UBR3: variants seen among roughly 807,000 people sequenced by gnomAD.
The protein encoded by UBR3 is ubiquitin protein ligase E3 component n-recognin 3.
A neutral mutation model predicts 243.2 loss-of-function variants in UBR3; 85 were observed. That is an observed-to-expected ratio of 0.35 (90% CI 0.29 to 0.42). The LOEUF (loss-of-function observed/expected upper bound fraction) is 0.42. Among genes scored for constraint, UBR3 ranks in the 10% least tolerant of loss-of-function variants. The probability of loss-of-function intolerance (pLI) is 1.00; values close to 1 mark genes in which losing one functional copy is unlikely to be tolerated. For synonymous variants in UBR3, 748 were observed against 799.8 expected, an observed-to-expected ratio of 0.94 and a Z score of 1.09; for missense variants, 1,686 against 2,300.8, an observed-to-expected ratio of 0.73 and a Z score of 5.47.
intron 1 of UBR3, among the ~76,000 whole-genome samples, chr2:169,842,455 G>C (rs983896015): frequency 1.3e-5 from 2 of 151,848 alleles, no homozygotes; most frequent in African/African-American, 4.9e-5. Context: ...CAACCCTCTC[G>C]GGTCCCCTTC....
intron 24 of UBR3, among the ~76,000 whole-genome samples, chr2:169,972,682 G>C (rs2088218229): frequency 6.6e-6 from 1 of 152,098 alleles, no homozygotes. Flanking sequence ...TATCTCAATA[G>C]ATGCAGAAAA....
chr2:169,934,909 G>A lies in UBR3; in HGVS notation c.2663+1901G>A, dbSNP rs1051416762. Among the ~76,000 whole-genome samples, 35 of 152,184 alleles carry A rather than the reference G, an allele frequency of 2.3e-4. 1 individual carries two copies. Among genetic ancestry groups the A allele is most frequent in the Admixed American group, 1.8e-3 (28 of 15,284 alleles). On this transcript the variant is annotated intron_variant, in intron 19 of 38. Coordinates refer to ENST00000272793, the MANE Select transcript of UBR3 (RefSeq NM_172070.4). ...GATCTAGTCCAGGTTTTATAAAAGCGTCTTGTGGGCCATCACTGGAAGACA... is the reference window on the plus strand; with the variant it reads ...GATCTAGTCCAGGTTTTATAAAAGCATCTTGTGGGCCATCACTGGAAGACA...
chr2:170,001,926 A>G (rs1344348903), intron 27 of UBR3, among the ~76,000 whole-genome samples: 1 of 123,198 alleles, frequency 8.1e-6, no homozygotes, highest in African/African-American at 3.2e-5. Context: ...AAAAAAAAAA[A>G]AAAAAAAAAA....
At chr2:169,907,036 CTTTTTTTT>C (rs36078695) in intron 10 of UBR3, among the ~76,000 whole-genome samples, 18 of 112,338 alleles carry the variant, frequency 1.6e-4, no homozygotes, top group Non-Finnish European at 2.9e-4. Flanking sequence ...AAATTTCTTT[CTTTTTTTT>C]TTTTTTTTTT....
chr2:169,854,015 C>T (rs1227807935), intron 1 of UBR3, among the ~76,000 whole-genome samples: 2 of 148,362 alleles, frequency 1.3e-5, no homozygotes, highest in African/African-American at 2.5e-5. Flanking sequence ...ACACTGGGGT[C>T]TGTTGGGGTT....
At chr2:169,984,158 A>T (rs2088888691) in intron 24 of UBR3, among the ~76,000 whole-genome samples, 1 of 152,120 alleles carries the variant, frequency 6.6e-6, no homozygotes, top group Non-Finnish European at 1.5e-5. Flanking sequence ...ATATGTGCAG[A>T]TATTGATGTG....
At chr2:170,008,525 C>T (rs2089989984) in intron 28 of UBR3, among the ~76,000 whole-genome samples, 1 of 151,852 alleles carries the variant, frequency 6.6e-6, no homozygotes, top group Non-Finnish European at 1.5e-5. Flanking sequence ...ATTTTAATAC[C>T]ATCATCTCAT....
chr2:170,080,435 TCTTA>T (rs1574492208), intron 37 of UBR3, 106 bp from the exon 38 acceptor site: 3 of 1,115,456 alleles, frequency 2.7e-6, no homozygotes, highest in Non-Finnish European at 3.7e-6. Flanking sequence ...TTAAATGAAA[TCTTA>T]CTATTTTTAA....
chr2:169,971,758 C>T (rs865913869), intron 24 of UBR3, among the ~76,000 whole-genome samples: 7 of 152,058 alleles, frequency 4.6e-5, no homozygotes, highest in Admixed American at 2.6e-4. Flanking sequence ...GGGATGCATT[C>T]GAAGCAGTGT....
At chr2:169,917,435 A>T (rs1289230350) in intron 11 of UBR3, among the ~76,000 whole-genome samples, 4 of 152,240 alleles carry the variant, frequency 2.6e-5, no homozygotes, top group Non-Finnish European at 5.9e-5. Flanking sequence ...TAGCATCAGT[A>T]AGACAACAGT....
chr2:169,925,014 C>T (rs1385676393), intron 13 of UBR3, among the ~76,000 whole-genome samples: 1 of 152,050 alleles, frequency 6.6e-6, no homozygotes, highest in Non-Finnish European at 1.5e-5. Flanking sequence ...AGTCTGGCGA[C>T]AGAGTGAGAT....
rs367980134 is a variant in UBR3 at position 169,994,338 on chromosome 2, G to A, written c.3800G>A (p.Arg1267His). 9.5e-5 allele frequency: 154 copies of A among 1,613,950 alleles called. No individual in the cohort carries two copies. The highest frequency in any genetic ancestry group is 3.3e-4 in the Middle Eastern group (2 of 6,084). The change falls in exon 26 of 39, where the codon CGT (arginine) becomes CAT (histidine). Residue 1267 changes from arginine (R) to histidine (H), a missense_variant. Physicochemically the swap from Arg to His is conservative, Grantham distance 29 (BLOSUM62 0). Around this residue, in one of 8 missense-constraint regions of UBR3, gnomAD observed 156 missense variants for 246.3 expected, o/e 0.63. Coordinates refer to ENST00000272793, the MANE Select transcript of UBR3 (RefSeq NM_172070.4). ...GTTAATGTAGTTTTGGGGCAGTGCC[G>A]TGACAATGTTGAGCCAAAAAAGTTG... ...LQASSVLGQC[R>H]DNVEPKKLPI...
chr2:169,865,010 C>T (rs532314962), intron 1 of UBR3, among the ~76,000 whole-genome samples: 2 of 151,808 alleles, frequency 1.3e-5, no homozygotes, highest in South Asian at 2.1e-4. Context: ...TGCTTGAATC[C>T]GGGAGGTGGA....
intron 24 of UBR3, among the ~76,000 whole-genome samples, chr2:169,977,627 T>G (rs1299728464): frequency 6.6e-6 from 1 of 152,198 alleles, no homozygotes; most frequent in Non-Finnish European, 1.5e-5. Context: ...CCAAGCAAGC[T>G]GAATATCACC....
At chr2:169,996,688 C>CTTTTTTTTTTTTTTTTTTTTT (rs1208683414) in intron 26 of UBR3, among the ~76,000 whole-genome samples, 1 of 88,330 alleles carries the variant, frequency 1.1e-5, no homozygotes. Flanking sequence ...TTGCTTTGGA[C>CTTTTTTTTTTTTTTTTTTTTT]TTTTGTTTTT....
At chr2:169,887,723 G>A (rs1320859254) in intron 5 of UBR3, among the ~76,000 whole-genome samples, 1 of 151,864 alleles carries the variant, frequency 6.6e-6, no homozygotes, top group Non-Finnish European at 1.5e-5. Context: ...TCACTTAGTG[G>A]TGACTCACTG....
chr2:169,994,182 C>A, intron 25 of UBR3, 141 bp from the exon 26 acceptor site: 1 of 918,096 alleles, frequency 1.1e-6, no homozygotes, highest in Non-Finnish European at 1.6e-6. Context: ...ACTAGAATAC[C>A]ACTTTTTTGA....
chr2:170,049,986 G>C (rs1395887761), intron 32 of UBR3, among the ~76,000 whole-genome samples: 1 of 151,990 alleles, frequency 6.6e-6, no homozygotes, highest in East Asian at 1.9e-4. Flanking sequence ...CACTTATATT[G>C]TGATCACTTC....
chr2:170,056,290 GCCA>G (rs2091334896), intron 33 of UBR3, among the ~76,000 whole-genome samples: 1 of 152,106 alleles, frequency 6.6e-6, no homozygotes, highest in African/African-American at 2.4e-5. Context: ...ACAGGCATGA[GCCA>G]CCGCGCCCGG....
Sources: gnomAD v4.1 joint callset for allele counts (sites outside exome capture counted in the v4.1 genomes callset) on GRCh38, gnomAD v4.1.1 for gene constraint, gnomAD v4.1.1 regional missense constraint, MANE v1.5 for transcripts, NCBI Gene and HGNC (gene_info 2026-07-23, HGNC 2026-07-21) for gene names.